Variants in SMOC2 observed in about 807,000 individuals in gnomAD.
The protein encoded by SMOC2 is SPARC-related modular calcium-binding protein 2.
Under a neutral mutation model 61.4 loss-of-function variants are expected in SMOC2, and 39 were observed. The observed-to-expected ratio is 0.64, with a 90% CI of 0.49 to 0.83. The LOEUF is 0.83. Among genes scored for constraint, SMOC2 ranks in the 40% least tolerant of loss-of-function variants. The probability of loss-of-function intolerance (pLI) is 0.00; values close to 1 mark genes in which losing one functional copy is unlikely to be tolerated. For synonymous variants in SMOC2, 247 were observed against 239.9 expected (o/e 1.03, Z -0.27); for missense variants, 556 against 592.9 (o/e 0.94, Z 0.65).
chr6:168,595,562 A>C (rs56284947), intron 7 of SMOC2, among the ~76,000 whole-genome samples: 32,567 of 152,174 alleles, frequency 0.21, 3,852 homozygotes, highest in Middle Eastern at 0.38. Context: ...AGGGGCCGTC[A>C]TCAGTTTGTT....
At chr6:168,556,296 T>A (rs1455368280) in intron 7 of SMOC2, among the ~76,000 whole-genome samples, 1 of 152,144 alleles carries the variant, frequency 6.6e-6, no homozygotes, top group Non-Finnish European at 1.5e-5. Flanking sequence ...GCGGGCTCCT[T>A]TCCTCCAGTG....
chr6:168,471,028 A>T (rs1781957029), intron 1 of SMOC2, among the ~76,000 whole-genome samples: 1 of 152,208 alleles, frequency 6.6e-6, no homozygotes, highest in South Asian at 2.1e-4. Flanking sequence ...AAATTTTGTA[A>T]TATTGTTGTA....
chr6:168,509,144 G>A lies in SMOC2; in HGVS notation c.85-771G>A, dbSNP rs531532937. Among the ~76,000 whole-genome samples, 140 of 152,318 alleles carry A rather than the reference G, an allele frequency of 9.2e-4. 1 individual carries two copies. The highest frequency in any genetic ancestry group is 3.2e-3 in the African/African-American group (135 of 41,576). ...CGCCCAGATCGGAGGCTTCCCTGGGGTCCGGTGAGCTCCGAAGTCTGTGTC... is the reference window on the plus strand; with the variant it reads ...CGCCCAGATCGGAGGCTTCCCTGGGATCCGGTGAGCTCCGAAGTCTGTGTC... On this transcript the variant is annotated intron_variant, in intron 1 of 12. Coordinates refer to ENST00000356284, the MANE Select transcript of SMOC2 (RefSeq NM_001166412.2).
At chr6:168,524,504 T>C (rs1356007238) in intron 2 of SMOC2, among the ~76,000 whole-genome samples, 1 of 152,222 alleles carries the variant, frequency 6.6e-6, no homozygotes. Context: ...CCACAGGAGT[T>C]TGGAAAACTT....
chr6:168,654,049 A>T (rs1787272890), intron 11 of SMOC2, among the ~76,000 whole-genome samples: 1 of 49,338 alleles, frequency 2.0e-5, no homozygotes, highest in Non-Finnish European at 3.9e-5. Flanking sequence ...GATGTTAGGA[A>T]CTCACCAACC....
At position 168,509,958 on chromosome 6, in the gene SMOC2, A is replaced by T; in HGVS notation, c.128A>T (p.Asp43Val). The change falls in exon 2 of 13, where the codon GAC (aspartate) becomes GTC (valine). Residue 43 changes from aspartate to valine, a missense_variant. Transcript: ENST00000356284. ...DQDKDKDCSLDCAGSPQKPLC... is the reference protein window; with the variant it reads ...DQDKDKDCSLVCAGSPQKPLC... ...GATAAAGACAAGGATTGTAGCTTGG[A>T]CTGTGCGGGTTCGCCCCAGAAACCT... The T allele has an allele frequency of 6.2e-7, 1 of 1,613,962 alleles. No homozygotes were observed. Among genetic ancestry groups the T allele is most frequent in the Non-Finnish European group, 8.5e-7 (1 of 1,179,892 alleles).
chr6:168,608,759 A>T (rs1785777684), intron 9 of SMOC2, among the ~76,000 whole-genome samples: 1 of 152,256 alleles, frequency 6.6e-6, no homozygotes, highest in Non-Finnish European at 1.5e-5. Flanking sequence ...AAATGCAGTC[A>T]CAAAAAGACG....
At chr6:168,603,005 G>T (rs1021344190) in intron 8 of SMOC2, among the ~76,000 whole-genome samples, 14 of 152,174 alleles carry the variant, frequency 9.2e-5, no homozygotes, top group African/African-American at 3.4e-4. Flanking sequence ...TCGTGGGAGG[G>T]ACCTACCCTG....
chr6:168,510,109 A>T, intron 2 of SMOC2, 23 bp downstream of exon 2: 5 of 1,607,536 alleles, frequency 3.1e-6, no homozygotes, highest in Middle Eastern at 1.7e-4. Context: ...TTGATCATTC[A>T]TCCAAAGATG....
chr6:168,645,596 C>T (rs1787004201), intron 9 of SMOC2, among the ~76,000 whole-genome samples: 1 of 152,204 alleles, frequency 6.6e-6, no homozygotes, highest in Non-Finnish European at 1.5e-5. Context: ...TGGGCTTTCT[C>T]CCAACCCACA....
At chr6:168,612,770 A>G (rs1785914043) in intron 9 of SMOC2, among the ~76,000 whole-genome samples, 1 of 151,774 alleles carries the variant, frequency 6.6e-6, no homozygotes, top group African/African-American at 2.4e-5. Flanking sequence ...GGCCATCGGC[A>G]CAACCTTGTC....
chr6:168,639,649 G>A (rs1403400745), intron 9 of SMOC2, among the ~76,000 whole-genome samples: 2 of 152,162 alleles, frequency 1.3e-5, no homozygotes, highest in Non-Finnish European at 2.9e-5. Flanking sequence ...TGAAAATGAG[G>A]AACTGTTCTT....
At chr6:168,503,953 C>T (rs973198645) in intron 1 of SMOC2, among the ~76,000 whole-genome samples, 1 of 152,128 alleles carries the variant, frequency 6.6e-6, no homozygotes, top group Non-Finnish European at 1.5e-5. Flanking sequence ...AGGAGCCCAG[C>T]ACCTCCTTGT....
At chr6:168,451,721 G>T (rs942142863) in intron 1 of SMOC2, among the ~76,000 whole-genome samples, 1 of 151,992 alleles carries the variant, frequency 6.6e-6, no homozygotes, top group Admixed American at 6.6e-5. Flanking sequence ...ATACACGTCC[G>T]TTAAGTTCTT....
intron 3 of SMOC2, 140 bp from the exon 4 acceptor site, chr6:168,527,488 C>T: frequency 1.6e-6 from 1 of 639,512 alleles, no homozygotes; most frequent in Non-Finnish European, 2.8e-6. Flanking sequence ...ACCGAGGACT[C>T]AAATGCAGCC....
intron 1 of SMOC2, among the ~76,000 whole-genome samples, chr6:168,501,897 A>G (rs2115043133): frequency 6.6e-6 from 1 of 152,290 alleles, no homozygotes; most frequent in South Asian, 2.1e-4. Flanking sequence ...CCTCCTGCAC[A>G]TCCCTTGGGT....
chr6:168,584,160 T>C (rs1293875315), intron 7 of SMOC2, among the ~76,000 whole-genome samples: 4 of 152,102 alleles, frequency 2.6e-5, no homozygotes, highest in Non-Finnish European at 5.9e-5. Context: ...CCCAGGAAGC[T>C]GAGATGAGAG....
At chr6:168,629,006 G>C (rs1786494142) in intron 9 of SMOC2, among the ~76,000 whole-genome samples, 1 of 152,240 alleles carries the variant, frequency 6.6e-6, no homozygotes. Context: ...TTGGCTGGCA[G>C]GCAGGCGAGG....
intron 1 of SMOC2, among the ~76,000 whole-genome samples, chr6:168,502,697 A>T (rs1347431901): frequency 6.6e-6 from 1 of 152,042 alleles, no homozygotes; most frequent in African/African-American, 2.4e-5. Flanking sequence ...GCTGACGACC[A>T]GTGTCTCTGA....
Sources: allele counts gnomAD v4.1 joint callset (sites outside exome capture counted in the v4.1 genomes callset), GRCh38; gene constraint gnomAD v4.1.1; transcripts MANE v1.5; gene names NCBI Gene and HGNC (gene_info 2026-07-23, HGNC 2026-07-21).